PDK1: variants seen among roughly 807,000 people sequenced by gnomAD.
PDK1 encodes pyruvate dehydrogenase kinase 1, also known as [Pyruvate dehydrogenase (acetyl-transferring)] kinase isozyme 1, mitochondrial.
PDK1 carries 39 observed loss-of-function variants against 54.2 expected under a neutral mutation model. The ratio of observed to expected loss-of-function variants is 0.72; its 90% CI spans 0.56 to 0.94. PDK1 has a LOEUF of 0.94. PDK1 is among the 40% of genes least tolerant of loss of function. The pLI, the probability that PDK1 is intolerant of heterozygous loss-of-function variation, is 0.00. For synonymous variants in PDK1, 221 were observed against 207.1 expected (o/e 1.07, Z -0.58); for missense variants, 552 against 566.0 (o/e 0.98, Z 0.25).
Position 172,607,112 on chromosome 2 carries a change from C to T in PDK1, c.*11143C>T, listed in dbSNP as rs945310438. 2 of 152,176 alleles carry T rather than the reference C, an allele frequency of 1.3e-5. No individual in the cohort carries two copies. The highest frequency in any genetic ancestry group is 2.9e-5 in the Non-Finnish European group (2 of 68,014). 9.4% of individuals were successfully genotyped at this position (152,176 alleles called of 1,614,324 possible). A position where few individuals can be genotyped will look rare whatever the true frequency, so the allele number is the denominator to read the frequency against. ...CCAAAGACTAACATCAACATGCTTACATTTTGAGTCCAAAATTAAAATCCA... is the reference window on the plus strand; with the variant it reads ...CCAAAGACTAACATCAACATGCTTATATTTTGAGTCCAAAATTAAAATCCA... On this transcript the variant is annotated 3_prime_UTR_variant, in exon 11 of 11. Coordinates refer to ENST00000282077, the MANE Select transcript of PDK1 (RefSeq NM_002610.5).
At chr2:172,592,354 CCT>C (rs1160340783) in intron 9 of PDK1, among the ~76,000 whole-genome samples, 13 of 152,026 alleles carry the variant, frequency 8.6e-5, no homozygotes, top group African/African-American at 2.9e-4. Flanking sequence ...TTTGTCTCTT[CCT>C]CTCTCTGACT....
chr2:172,718,165 T>C, the PDK1 span, among the ~76,000 whole-genome samples: 5 of 152,218 alleles, frequency 3.3e-5, no homozygotes, highest in Non-Finnish European at 5.9e-5. Flanking sequence ...TCATAAAAAT[T>C]CCATTTGAAA....
At chr2:172,684,930 G>T in the PDK1 span, among the ~76,000 whole-genome samples, 2 of 152,182 alleles carry the variant, frequency 1.3e-5, no homozygotes, top group Non-Finnish European at 2.9e-5. Context: ...CATGTCAAGG[G>T]AGGGAGGTGA....
the PDK1 span, among the ~76,000 whole-genome samples, chr2:172,626,761 TAA>T: frequency 4.0e-5 from 6 of 149,504 alleles, no homozygotes; most frequent in African/African-American, 7.3e-5. Flanking sequence ...CCACTGCACT[TAA>T]AAAAAAAAAG....
At chr2:172,709,620 ATTC>A in the PDK1 span, among the ~76,000 whole-genome samples, 1 of 151,980 alleles carries the variant, frequency 6.6e-6, no homozygotes, top group African/African-American at 2.4e-5. Flanking sequence ...AGTTACCACC[ATTC>A]AGTTAAATAA....
the PDK1 span, among the ~76,000 whole-genome samples, chr2:172,658,555 G>T: frequency 2.0e-5 from 3 of 152,234 alleles, no homozygotes; most frequent in East Asian, 5.8e-4. Flanking sequence ...CTGCCTGCAG[G>T]GTTGGGCAAA....
intron 8 of PDK1, among the ~76,000 whole-genome samples, chr2:172,577,343 G>A (rs1032728199): frequency 3.9e-5 from 6 of 152,060 alleles, no homozygotes; most frequent in Admixed American, 3.9e-4. Context: ...AGTCTAAAAT[G>A]TGTCTCTTTA....
the PDK1 span, among the ~76,000 whole-genome samples, chr2:172,643,348 C>A: frequency 6.6e-6 from 1 of 152,156 alleles, no homozygotes; most frequent in South Asian, 2.1e-4. Context: ...AACTTAACGC[C>A]CACACGTTCA....
chr2:172,593,972 G>T (rs1455954561), intron 10 of PDK1, among the ~76,000 whole-genome samples: 2 of 151,446 alleles, frequency 1.3e-5, no homozygotes, highest in Non-Finnish European at 2.9e-5. Context: ...TTTCTAGATG[G>T]TATTTTTTGT....
chr2:172,594,602 A>G (rs1357298384), intron 10 of PDK1, among the ~76,000 whole-genome samples: 1 of 152,240 alleles, frequency 6.6e-6, no homozygotes, highest in Non-Finnish European at 1.5e-5. Context: ...CTGTAGATCA[A>G]GAAATTCTGG....
chr2:172,567,871 C>T (rs527450758), intron 6 of PDK1, among the ~76,000 whole-genome samples: 1 of 152,360 alleles, frequency 6.6e-6, no homozygotes, highest in South Asian at 2.1e-4. Flanking sequence ...GTTTTATACA[C>T]ACCCCTATCA....
At chr2:172,704,192 T>A in the PDK1 span, among the ~76,000 whole-genome samples, 2 of 152,148 alleles carry the variant, frequency 1.3e-5, no homozygotes, top group East Asian at 3.9e-4. Flanking sequence ...GTGCTTGACA[T>A]GGCTTTAGAG....
chr2:172,691,792 C>T, the PDK1 span, among the ~76,000 whole-genome samples: 1 of 152,130 alleles, frequency 6.6e-6, no homozygotes, highest in Non-Finnish European at 1.5e-5. Context: ...CTGGATGTAC[C>T]ACAGTTTATG....
chr2:172,597,912 T>G lies in PDK1; in HGVS notation c.*1943T>G, dbSNP rs1268638247. 2.6e-5 allele frequency: 4 copies of G among 151,150 alleles called. No homozygotes were observed. The highest frequency in any genetic ancestry group is 4.4e-5 in the Non-Finnish European group (3 of 67,708). 9.4% of individuals were successfully genotyped at this position (151,150 alleles called of 1,614,324 possible). A position where few individuals can be genotyped will look rare whatever the true frequency, so the allele number is the denominator to read the frequency against. On this transcript the variant is annotated 3_prime_UTR_variant, in exon 11 of 11. Coordinates refer to ENST00000282077, the MANE Select transcript of PDK1 (RefSeq NM_002610.5). ...GAACAGTTGTGATAAATGTGTAGAT[T>G]AGAGGGATGTGAATGGGCAGTTAGT...
the PDK1 span, among the ~76,000 whole-genome samples, chr2:172,650,881 G>A: frequency 2.0e-5 from 3 of 152,096 alleles, no homozygotes; most frequent in Admixed American, 2.0e-4. Context: ...CAATAATAAT[G>A]GGAGACTTTA....
intron 8 of PDK1, among the ~76,000 whole-genome samples, chr2:172,579,505 A>AC (rs940555032): frequency 7.7e-6 from 1 of 129,154 alleles, no homozygotes; most frequent in African/African-American, 2.9e-5. Context: ...TGATTTTTGC[A>AC]CCCCCCTCCC....
the PDK1 span, among the ~76,000 whole-genome samples, chr2:172,644,252 G>A: frequency 1.3e-5 from 2 of 152,196 alleles, no homozygotes; most frequent in East Asian, 3.8e-4. Flanking sequence ...CAAGGAGTTG[G>A]GCTGCTGCGA....
At chr2:172,570,915 G>C (rs1366324910) in intron 8 of PDK1, 91 bp downstream of exon 8, 2 of 701,184 alleles carry the variant, frequency 2.9e-6, no homozygotes, top group Non-Finnish European at 4.9e-6. Flanking sequence ...ATTTCTAAAA[G>C]ACATAATCTA....
the PDK1 span, among the ~76,000 whole-genome samples, chr2:172,717,977 G>C: frequency 6.6e-6 from 1 of 152,182 alleles, no homozygotes; most frequent in Non-Finnish European, 1.5e-5. Context: ...TATTCCAATA[G>C]AGCTGAGAGC....
Sources: allele counts gnomAD v4.1 joint callset (sites outside exome capture counted in the v4.1 genomes callset), GRCh38; gene constraint gnomAD v4.1.1; transcripts MANE v1.5; gene names NCBI Gene and HGNC (gene_info 2026-07-23, HGNC 2026-07-21).